The following CENPP variants were observed in gnomAD, a reference collection of about 807,000 sequenced individuals.
CENPP encodes the protein centromere protein P.
A neutral mutation model predicts 35.6 loss-of-function variants in CENPP; 24 were observed. That is an observed-to-expected ratio of 0.67 (90% CI 0.49 to 0.95). The LOEUF (loss-of-function observed/expected upper bound fraction) is 0.95. CENPP is among the 40% of genes least tolerant of loss of function. CENPP has a pLI of 0.00. For synonymous variants in CENPP, 120 were observed against 125.5 expected (o/e 0.96, Z 0.29); for missense variants, 332 against 345.3 (o/e 0.96, Z 0.31).
At chr9:92,392,850 A>G (rs1170768556) in intron 5 of CENPP, among the ~76,000 whole-genome samples, 1 of 152,220 alleles carries the variant, frequency 6.6e-6, no homozygotes, top group African/African-American at 2.4e-5. Context: ...CCCATATGTT[A>G]GATGGGCTGT....
intron 5 of CENPP, among the ~76,000 whole-genome samples, chr9:92,420,139 A>G (rs1259259026): frequency 1.3e-5 from 2 of 152,056 alleles, no homozygotes; most frequent in African/African-American, 2.4e-5. Context: ...CTTTTCTATT[A>G]CTGGAACCCT....
chr9:92,532,044 T>TTTTTTTTTTTTTTTGTTG (rs1848828968), intron 5 of CENPP, among the ~76,000 whole-genome samples: 1 of 145,434 alleles, frequency 6.9e-6, no homozygotes, highest in African/African-American at 2.6e-5. Flanking sequence ...ATTTTTTTTT[T>TTTTTTTTTTTTTTTGTTG]GAGATGAGGT....
chr9:92,472,843 G>A (rs1295629667), intron 5 of CENPP, among the ~76,000 whole-genome samples: 1 of 152,220 alleles, frequency 6.6e-6, no homozygotes, highest in Non-Finnish European at 1.5e-5. Flanking sequence ...AAATGAAGTG[G>A]AAGTCTTATA....
intron 5 of CENPP, among the ~76,000 whole-genome samples, chr9:92,506,745 A>G (rs2131173736): frequency 6.6e-6 from 1 of 152,284 alleles, no homozygotes; most frequent in Admixed American, 6.5e-5. Flanking sequence ...AGTAGGAGGA[A>G]CTTCCAAGCT....
At chr9:92,558,598 A>G (rs1362414381) in intron 5 of CENPP, among the ~76,000 whole-genome samples, 1 of 152,054 alleles carries the variant, frequency 6.6e-6, no homozygotes, top group Non-Finnish European at 1.5e-5. Context: ...TTAATTATCT[A>G]TTTTTGTGCT....
chr9:92,380,254 G>A (rs1361358087), intron 5 of CENPP, among the ~76,000 whole-genome samples: 6 of 152,120 alleles, frequency 3.9e-5, no homozygotes, highest in African/African-American at 1.2e-4. Context: ...TGTGCATTTC[G>A]AGTTTAAATA....
intron 5 of CENPP, among the ~76,000 whole-genome samples, chr9:92,465,635 A>C (rs1464211364): frequency 6.6e-6 from 1 of 152,230 alleles, no homozygotes; most frequent in Non-Finnish European, 1.5e-5. Flanking sequence ...TAAGACAAAA[A>C]ATTCCTCACA....
intron 4 of CENPP, among the ~76,000 whole-genome samples, chr9:92,375,548 G>A (rs113166511): frequency 1.3e-5 from 2 of 151,636 alleles, no homozygotes; most frequent in African/African-American, 4.8e-5. Flanking sequence ...CGCCCACCTC[G>A]GCCTCCCAAA....
At chr9:92,444,139 A>G (rs1844491855) in intron 5 of CENPP, among the ~76,000 whole-genome samples, 1 of 152,204 alleles carries the variant, frequency 6.6e-6, no homozygotes, top group South Asian at 2.1e-4. Context: ...CCAGTCCTAT[A>G]TCACTCCGCT....
chr9:92,596,743 A>G (rs986901435), intron 5 of CENPP, among the ~76,000 whole-genome samples: 4 of 151,996 alleles, frequency 2.6e-5, no homozygotes, highest in Non-Finnish European at 5.9e-5. Context: ...AATAAAAAAA[A>G]CGATGATAAG....
intron 5 of CENPP, among the ~76,000 whole-genome samples, chr9:92,554,849 G>C (rs564882882): frequency 6.6e-6 from 1 of 151,808 alleles, no homozygotes; most frequent in Admixed American, 6.6e-5. Context: ...TGTTGGCCAG[G>C]CTGGTCTCGA....
At chr9:92,586,153 C>T (rs1850535865) in intron 5 of CENPP, among the ~76,000 whole-genome samples, 1 of 152,214 alleles carries the variant, frequency 6.6e-6, no homozygotes, top group Non-Finnish European at 1.5e-5. Flanking sequence ...TCAGACGATT[C>T]TCCTGCCTCA....
At chr9:92,386,679 T>C (rs1196689119) in intron 5 of CENPP, among the ~76,000 whole-genome samples, 1 of 152,188 alleles carries the variant, frequency 6.6e-6, no homozygotes, top group Non-Finnish European at 1.5e-5. Flanking sequence ...TAACCTCTCC[T>C]GTACCTCTGG....
intron 5 of CENPP, among the ~76,000 whole-genome samples, chr9:92,576,127 TAAAC>T (rs1850276784): frequency 6.6e-6 from 1 of 152,174 alleles, no homozygotes; most frequent in African/African-American, 2.4e-5. Flanking sequence ...GATAAATAGA[TAAAC>T]AAATGCAGTC....
At chr9:92,599,928 G>T (rs993674178) in intron 5 of CENPP, among the ~76,000 whole-genome samples, 1 of 152,218 alleles carries the variant, frequency 6.6e-6, no homozygotes, top group African/African-American at 2.4e-5. Context: ...GAGCTCCACA[G>T]GCTTCCCTGG....
intron 5 of CENPP, among the ~76,000 whole-genome samples, chr9:92,487,840 A>G (rs1846095343): frequency 6.6e-6 from 1 of 152,216 alleles, no homozygotes; most frequent in African/African-American, 2.4e-5. Flanking sequence ...GTCTCAAAAA[A>G]TAAATAAACA....
chr9:92,530,958 A>C (rs190021891), intron 5 of CENPP, among the ~76,000 whole-genome samples: 1 of 152,178 alleles, frequency 6.6e-6, no homozygotes, highest in East Asian at 1.9e-4. Flanking sequence ...CTGCTCCTGC[A>C]TGTAATTGCT....
At chr9:92,539,469 C>A (rs1050748084) in intron 5 of CENPP, among the ~76,000 whole-genome samples, 4 of 151,514 alleles carry the variant, frequency 2.6e-5, no homozygotes, top group African/African-American at 9.7e-5. Context: ...AAGGGCTCAG[C>A]TTAATTAAAG....
intron 5 of CENPP, chr9:92,522,582 CACATTATA>C (rs1238696816): frequency 6.2e-7 from 1 of 1,609,272 alleles, no homozygotes; most frequent in Non-Finnish European, 8.5e-7. Flanking sequence ...TACCTGGTAA[CACATTATA>C]ACTTGATTCT....
Sources: gnomAD v4.1 joint callset for allele counts (sites outside exome capture counted in the v4.1 genomes callset) on GRCh38, gnomAD v4.1.1 for gene constraint, MANE v1.5 for transcripts, NCBI Gene and HGNC (gene_info 2026-07-23, HGNC 2026-07-21) for gene names.